The following SYT1 variants were observed in gnomAD, a reference collection of about 807,000 sequenced individuals.
SYT1 encodes the protein synaptotagmin-1.
Under a neutral mutation model 44.8 loss-of-function variants are expected in SYT1, and 8 were observed. The ratio of observed to expected loss-of-function variants is 0.18; its 90% CI spans 0.10 to 0.32. The LOEUF is 0.32. Ranked by LOEUF, SYT1 falls within the 10% of genes least tolerant of loss-of-function variation. SYT1 has a pLI of 1.00. For synonymous variants in SYT1, 154 were observed against 188.8 expected, an observed-to-expected ratio of 0.82 and a Z score of 1.51; for missense variants, 286 against 509.3, an observed-to-expected ratio of 0.56 and a Z score of 4.22.
chr12:79,048,131 A>C (rs535271739), intron 3 of SYT1, among the ~76,000 whole-genome samples: 3 of 152,030 alleles, frequency 2.0e-5, no homozygotes, highest in African/African-American at 7.2e-5. Flanking sequence ...ACTGCATTTG[A>C]AATTGCATTT....
intron 3 of SYT1, among the ~76,000 whole-genome samples, chr12:79,103,613 A>C (rs1878552416): frequency 6.6e-6 from 1 of 152,062 alleles, no homozygotes; most frequent in Non-Finnish European, 1.5e-5. Flanking sequence ...AATATAGCAT[A>C]ATATTTATTC....
intron 1 of SYT1, among the ~76,000 whole-genome samples, chr12:78,946,943 C>T (rs1486570084): frequency 6.6e-6 from 1 of 152,074 alleles, no homozygotes; most frequent in Non-Finnish European, 1.5e-5. Flanking sequence ...GCAGTATACA[C>T]ATATTTATTT....
At chr12:79,072,477 A>G (rs1418551693) in intron 3 of SYT1, among the ~76,000 whole-genome samples, 1 of 152,150 alleles carries the variant, frequency 6.6e-6, no homozygotes, top group African/African-American at 2.4e-5. Flanking sequence ...CATTTTATCT[A>G]TAAGTTATTT....
chr12:78,907,372 T>C (rs568166417), intron 1 of SYT1, among the ~76,000 whole-genome samples: 2 of 152,060 alleles, frequency 1.3e-5, no homozygotes, highest in East Asian at 3.9e-4. Context: ...AATTAGTTTA[T>C]ATGAAAATAC....
chr12:78,893,897 A>G (rs1875194268), intron 1 of SYT1, among the ~76,000 whole-genome samples: 1 of 151,668 alleles, frequency 6.6e-6, no homozygotes, highest in Non-Finnish European at 1.5e-5. Flanking sequence ...TGAAGACCTC[A>G]ACTTTCAGTC....
chr12:79,308,340 C>A (rs1880523014), intron 8 of SYT1, among the ~76,000 whole-genome samples: 2 of 152,070 alleles, frequency 1.3e-5, no homozygotes, highest in South Asian at 2.1e-4. Context: ...GCCTGACCAA[C>A]ATGGAGAAAC....
intron 3 of SYT1, among the ~76,000 whole-genome samples, chr12:79,175,625 T>C (rs959783148): frequency 6.6e-6 from 1 of 152,082 alleles, no homozygotes; most frequent in Non-Finnish European, 1.5e-5. Flanking sequence ...ATTATTTGAA[T>C]CTCCATGGTA....
At chr12:79,263,165 A>T (rs1191750361) in intron 4 of SYT1, among the ~76,000 whole-genome samples, 1 of 152,102 alleles carries the variant, frequency 6.6e-6, no homozygotes, top group Non-Finnish European at 1.5e-5. Flanking sequence ...ACCACTTACA[A>T]GTCAGTGAGC....
intron 8 of SYT1, among the ~76,000 whole-genome samples, chr12:79,304,359 G>A (rs1880290409): frequency 6.6e-6 from 1 of 152,194 alleles, no homozygotes; most frequent in Non-Finnish European, 1.5e-5. Flanking sequence ...AAGCTAATCA[G>A]CAAAATGTCC....
chr12:79,439,192 G>C (rs1422851405), intron 9 of SYT1, among the ~76,000 whole-genome samples: 12 of 152,116 alleles, frequency 7.9e-5, no homozygotes. Flanking sequence ...CAGTAAATCA[G>C]TTTTGATTTA....
intron 1 of SYT1, among the ~76,000 whole-genome samples, chr12:78,895,004 CAT>C (rs1875278368): frequency 6.6e-6 from 1 of 151,474 alleles, no homozygotes; most frequent in Admixed American, 6.6e-5. Flanking sequence ...TATATCAAAA[CAT>C]ATTATACAAT....
At chr12:79,208,535 A>G (rs1191243475) in intron 3 of SYT1, among the ~76,000 whole-genome samples, 1 of 152,226 alleles carries the variant, frequency 6.6e-6, no homozygotes, top group Non-Finnish European at 1.5e-5. Flanking sequence ...AAGCATTTCG[A>G]TCAGAATGAG....
intron 9 of SYT1, among the ~76,000 whole-genome samples, chr12:79,440,654 A>G (rs1276535426): frequency 6.6e-6 from 1 of 152,194 alleles, no homozygotes; most frequent in Non-Finnish European, 1.5e-5. Flanking sequence ...TTATTATGCA[A>G]TCACAAGGAC....
intron 2 of SYT1, among the ~76,000 whole-genome samples, chr12:78,982,709 A>T (rs1050870330): frequency 6.6e-6 from 1 of 152,132 alleles, no homozygotes; most frequent in Non-Finnish European, 1.5e-5. Context: ...TGTTACCCCA[A>T]AGCATAGAAG....
chr12:79,068,760 TC>T (rs1565791392), intron 3 of SYT1, among the ~76,000 whole-genome samples: 2 of 152,148 alleles, frequency 1.3e-5, no homozygotes, highest in African/African-American at 4.8e-5. Context: ...ATGCCTGTAA[TC>T]CCAGCACTTT....
intron 1 of SYT1, among the ~76,000 whole-genome samples, chr12:78,935,050 C>T (rs535576957): frequency 3.3e-5 from 5 of 152,200 alleles, no homozygotes; most frequent in African/African-American, 1.2e-4. Context: ...AATGCAAAAA[C>T]ATGGAAAAGA....
At chr12:79,144,266 C>T (rs941487233) in intron 3 of SYT1, among the ~76,000 whole-genome samples, 4 of 152,210 alleles carry the variant, frequency 2.6e-5, no homozygotes, top group Non-Finnish European at 4.4e-5. Flanking sequence ...GAGTCAATAA[C>T]ACCTATTAGC....
intron 1 of SYT1, among the ~76,000 whole-genome samples, chr12:78,934,381 A>G (rs1275659033): frequency 1.3e-5 from 2 of 151,998 alleles, no homozygotes; most frequent in Non-Finnish European, 2.9e-5. Context: ...CAAACAAAAC[A>G]AAACAATTAG....
chr12:79,014,153 AG>A (rs1383858945), intron 2 of SYT1, among the ~76,000 whole-genome samples: 11 of 149,022 alleles, frequency 7.4e-5, no homozygotes, highest in East Asian at 3.9e-4. Flanking sequence ...AAAAAAAAAA[AG>A]AAAGAAAAAG....
Sources: gnomAD v4.1 joint callset for allele counts (sites outside exome capture counted in the v4.1 genomes callset) on GRCh38, gnomAD v4.1.1 for gene constraint, MANE v1.5 for transcripts, NCBI Gene and HGNC (gene_info 2026-07-23, HGNC 2026-07-21) for gene names.